Variants in RANBP17 observed in about 807,000 individuals in gnomAD.
RANBP17 encodes ran-binding protein 17.
A neutral mutation model predicts 141.2 loss-of-function variants in RANBP17; 158 were observed. The ratio of observed to expected loss-of-function variants is 1.12; its 90% CI spans 0.98 to 1.28. The LOEUF (loss-of-function observed/expected upper bound fraction) is 1.28, where lower values mean the gene tolerates loss of function less well. Ranked by LOEUF, RANBP17 falls within the 50% of genes most tolerant of loss-of-function variation. The pLI is 0.00. For missense variants in RANBP17, 1,438 were observed against 1,290.7 expected (o/e 1.11, Z -1.75); for synonymous variants, 430 against 450.0 (o/e 0.96, Z 0.56).
At chr5:171,238,020 G>T (rs1489397771) in intron 22 of RANBP17, among the ~76,000 whole-genome samples, 1 of 152,174 alleles carries the variant, frequency 6.6e-6, no homozygotes, top group Non-Finnish European at 1.5e-5. Flanking sequence ...TAAATAAATG[G>T]ATAACATGGC....
At chr5:171,128,736 C>T (rs1413399327) in intron 14 of RANBP17, among the ~76,000 whole-genome samples, 1 of 152,002 alleles carries the variant, frequency 6.6e-6, no homozygotes, top group East Asian at 1.9e-4. Flanking sequence ...TATCATTACA[C>T]ATTTTATTCA....
intron 12 of RANBP17, among the ~76,000 whole-genome samples, chr5:170,928,855 A>G (rs2127453728): frequency 6.6e-6 from 1 of 152,006 alleles, no homozygotes; most frequent in Non-Finnish European, 1.5e-5. Flanking sequence ...AGTTTCTTCA[A>G]AGTAGGTGCT....
At chr5:170,888,496 T>C (rs1317997245) in intron 3 of RANBP17, among the ~76,000 whole-genome samples, 1 of 152,156 alleles carries the variant, frequency 6.6e-6, no homozygotes, top group Non-Finnish European at 1.5e-5. Flanking sequence ...GTAAGTTATT[T>C]TGTGTTTTAT....
intron 24 of RANBP17, among the ~76,000 whole-genome samples, chr5:171,258,957 A>C (rs961986906): frequency 1.3e-5 from 2 of 152,228 alleles, no homozygotes; most frequent in African/African-American, 4.8e-5. Context: ...ATGGGAGAGA[A>C]TATTTATAAA....
At chr5:171,039,178 T>C (rs1053924346) in intron 14 of RANBP17, among the ~76,000 whole-genome samples, 1 of 152,070 alleles carries the variant, frequency 6.6e-6, no homozygotes, top group African/African-American at 2.4e-5. Flanking sequence ...CCTGAACTAA[T>C]TTATCTTCCT....
At chr5:171,168,561 A>G (rs935793591) in intron 14 of RANBP17, among the ~76,000 whole-genome samples, 19 of 152,142 alleles carry the variant, frequency 1.2e-4, no homozygotes, top group Admixed American at 1.2e-3. Context: ...TTTCTGTTCT[A>G]CATATCATTC....
intron 6 of RANBP17, chr5:170,909,969 C>A: frequency 2.6e-6 from 1 of 384,916 alleles, no homozygotes; most frequent in Middle Eastern, 6.8e-4. Flanking sequence ...AAGGTGAAAT[C>A]CAAAGGGAAT....
intron 16 of RANBP17, among the ~76,000 whole-genome samples, chr5:171,175,424 G>A (rs78965855): frequency 0.062 from 9,370 of 152,128 alleles, 378 homozygotes; most frequent in East Asian, 0.12. Context: ...AAGCGTTCCT[G>A]TTTCTCCACA....
chr5:171,280,214 C>T (rs1007524853), intron 25 of RANBP17, among the ~76,000 whole-genome samples: 2 of 152,128 alleles, frequency 1.3e-5, no homozygotes, highest in African/African-American at 4.8e-5. Flanking sequence ...AATGTGAATC[C>T]AACCTTTACA....
intron 14 of RANBP17, among the ~76,000 whole-genome samples, chr5:171,007,898 A>G (rs373545011): frequency 6.6e-6 from 1 of 152,144 alleles, no homozygotes; most frequent in East Asian, 1.9e-4. Context: ...GAAGGAGGCA[A>G]GTTTAAAGAG....
intron 14 of RANBP17, among the ~76,000 whole-genome samples, chr5:171,062,771 A>G (rs1460406703): frequency 1.3e-5 from 2 of 152,038 alleles, no homozygotes; most frequent in African/African-American, 2.4e-5. Context: ...ACTTGTTTCC[A>G]TTCTCCCCGT....
At chr5:171,281,231 C>T (rs182654768) in intron 25 of RANBP17, among the ~76,000 whole-genome samples, 11 of 152,172 alleles carry the variant, frequency 7.2e-5, no homozygotes, top group Admixed American at 5.9e-4. Context: ...ATCCTGTAAA[C>T]AAAAAATGTC....
chr5:171,162,603 A>G (rs1759431674), intron 14 of RANBP17, among the ~76,000 whole-genome samples: 1 of 152,058 alleles, frequency 6.6e-6, no homozygotes, highest in Non-Finnish European at 1.5e-5. Flanking sequence ...CTAATAAATT[A>G]TTGTTTAGAA....
At chr5:170,902,272 G>A (rs1455865359) in intron 5 of RANBP17, among the ~76,000 whole-genome samples, 2 of 151,990 alleles carry the variant, frequency 1.3e-5, no homozygotes, top group Non-Finnish European at 2.9e-5. Flanking sequence ...TCATTAAGTT[G>A]TTATTAATCT....
Position 170,924,289 on chromosome 5 carries a change from G to A in RANBP17, c.1275-68G>A. On this transcript the variant is annotated intron_variant, in intron 11 of 27. Coordinates refer to ENST00000523189, the MANE Select transcript of RANBP17 (RefSeq NM_022897.5). The stretch of plus-strand genomic sequence containing the variant: ...TTATAGAATTTTTATTTAACATGAA[G>A]TTTATTTGTGGTGAATAAAAGTGCT... The A allele has an allele frequency of 2.9e-6, 3 of 1,017,386 alleles. No homozygotes were observed. In the South Asian group the frequency reaches 6.8e-5, roughly 23 times the overall value. 63.0% of individuals were successfully genotyped at this position (1,017,386 alleles called of 1,614,324 possible).
chr5:171,287,135 T>C (rs1314495788), intron 25 of RANBP17, among the ~76,000 whole-genome samples: 1 of 152,224 alleles, frequency 6.6e-6, no homozygotes, highest in Non-Finnish European at 1.5e-5. Flanking sequence ...ACAATCTAGC[T>C]TGGTCAGAAG....
chr5:171,049,254 G>T (rs1782797340), intron 14 of RANBP17, among the ~76,000 whole-genome samples: 1 of 152,098 alleles, frequency 6.6e-6, no homozygotes, highest in African/African-American at 2.4e-5. Context: ...TTTTTTATAT[G>T]CTTGTTGGCT....
At chr5:171,139,382 C>T (rs1757540727) in intron 14 of RANBP17, among the ~76,000 whole-genome samples, 1 of 152,114 alleles carries the variant, frequency 6.6e-6, no homozygotes. Flanking sequence ...AGTGCTTAAC[C>T]TTGTTATGGT....
chr5:171,158,465 T>G (rs1759057608), intron 14 of RANBP17: 1 of 187,634 alleles, frequency 5.3e-6, no homozygotes, highest in Non-Finnish European at 1.1e-5. Flanking sequence ...AAATTGGAAA[T>G]GCATTTCCAT....
Sources: gnomAD v4.1 joint callset for allele counts (sites outside exome capture counted in the v4.1 genomes callset) on GRCh38, gnomAD v4.1.1 for gene constraint, MANE v1.5 for transcripts, NCBI Gene and HGNC (gene_info 2026-07-23, HGNC 2026-07-21) for gene names.